Variants in ROBO2 observed in about 807,000 individuals in gnomAD.
The protein encoded by ROBO2 is roundabout homolog 2.
ROBO2 carries 53 observed loss-of-function variants against 160.8 expected under a neutral mutation model. That is an observed-to-expected ratio of 0.33 (90% CI 0.26 to 0.41). ROBO2 has a LOEUF of 0.41. Ranked by LOEUF, ROBO2 falls within the 10% of genes least tolerant of loss-of-function variation. The probability of loss-of-function intolerance (pLI) is 1.00; values close to 1 mark genes in which losing one functional copy is unlikely to be tolerated. For missense variants in ROBO2, 1,577 were observed against 1,722.4 expected (o/e 0.92, Z 1.49); for synonymous variants, 664 against 611.7 (o/e 1.09, Z -1.26).
rs137860321 is a variant in ROBO2 at position 77,303,158 on chromosome 3, G to A, written c.389-174256G>A. 3.0e-3 allele frequency among the ~76,000 whole-genome samples: 464 copies of A among 152,194 alleles called. 2 individuals carry two copies. The highest frequency in any genetic ancestry group is 0.011 in the African/African-American group (448 of 41,496). ...TATTTCTGGGCATGTGGGTATAACC[G>A]CACCTCCATGCCATGTTCTTTCTAT... is the stretch of plus-strand genomic sequence containing the variant. On this transcript the variant is annotated intron_variant, in intron 2 of 25. Transcript: ENST00000461745.
chr3:76,280,103 A>G (rs144726157), intron 2 of ROBO2, among the ~76,000 whole-genome samples: 58 of 152,150 alleles, frequency 3.8e-4, no homozygotes, highest in Non-Finnish European at 7.7e-4. Flanking sequence ...GGTGTACAAT[A>G]GAACATTACA....
exon 11 of ROBO2, chr3:77,563,169 T>A: frequency 1.2e-6 from 2 of 1,613,034 alleles, no homozygotes; most frequent in Non-Finnish European, 1.7e-6. Context: ...CTCTATAGAG[T>A]CTGGAGCAAC....
At chr3:76,449,639 A>G (rs1254714364) in intron 2 of ROBO2, among the ~76,000 whole-genome samples, 2 of 152,156 alleles carry the variant, frequency 1.3e-5, no homozygotes, top group Non-Finnish European at 2.9e-5. Flanking sequence ...ATCAAAAATC[A>G]GTTGTTTGTT....
At chr3:76,856,691 G>C (rs2070124827) in intron 2 of ROBO2, among the ~76,000 whole-genome samples, 1 of 152,112 alleles carries the variant, frequency 6.6e-6, no homozygotes, top group Non-Finnish European at 1.5e-5. Flanking sequence ...CAAGTTCTCA[G>C]GTAATGATGA....
intron 2 of ROBO2, among the ~76,000 whole-genome samples, chr3:77,137,280 G>A (rs1006221378): frequency 2.6e-5 from 4 of 152,150 alleles, no homozygotes; most frequent in Non-Finnish European, 4.4e-5. Flanking sequence ...AGGCTGGCGT[G>A]CAATGGTGTG....
At chr3:76,750,044 C>G (rs923643988) in intron 2 of ROBO2, among the ~76,000 whole-genome samples, 7 of 151,932 alleles carry the variant, frequency 4.6e-5, no homozygotes, top group Admixed American at 4.6e-4. Flanking sequence ...TGCAAAAATC[C>G]GCAATAAAAT....
intron 2 of ROBO2, among the ~76,000 whole-genome samples, chr3:76,348,978 G>T (rs1322716855): frequency 6.6e-6 from 1 of 152,032 alleles, no homozygotes; most frequent in Non-Finnish European, 1.5e-5. Flanking sequence ...ATACCCCAAG[G>T]AATTGATTTT....
intron 2 of ROBO2, among the ~76,000 whole-genome samples, chr3:77,360,165 T>C (rs1252247915): frequency 6.6e-6 from 1 of 152,198 alleles, no homozygotes; most frequent in East Asian, 1.9e-4. Context: ...AGTCACCACA[T>C]GCAGGAAGCA....
At chr3:77,118,549 T>C (rs1215696684) in intron 2 of ROBO2, among the ~76,000 whole-genome samples, 7 of 152,216 alleles carry the variant, frequency 4.6e-5, no homozygotes, top group Admixed American at 3.9e-4. Context: ...TTGGAGATGC[T>C]CCCTACGTGC....
intron 2 of ROBO2, among the ~76,000 whole-genome samples, chr3:76,288,099 A>G (rs887035998): frequency 2.6e-4 from 28 of 106,458 alleles, no homozygotes; most frequent in African/African-American, 1.5e-3. Flanking sequence ...TTGATTTGCT[A>G]ATCAGCCCTT....
At position 76,953,756 on chromosome 3, in the gene ROBO2, G is replaced by A. The variant is rs368162439; in HGVS notation, c.110-144258G>A. On this transcript the variant is annotated intron_variant, in intron 2 of 26. Coordinates refer to the ROBO2 transcript ENST00000487694. Reference sequence around the variant, plus strand: ...AGACAGTCCTTAGAAGCAAGCACGCGCACACACATGCCCTTCTCTCACACT... The same window carrying A: ...AGACAGTCCTTAGAAGCAAGCACGCACACACACATGCCCTTCTCTCACACT... 4.6e-5 allele frequency among the ~76,000 whole-genome samples: 7 copies of A among 152,200 alleles called. No individual in the cohort carries two copies. In the South Asian group the frequency reaches 6.2e-4, roughly 14 times the overall value.
intron 2 of ROBO2, among the ~76,000 whole-genome samples, chr3:75,967,812 G>A (rs1240981038): frequency 6.6e-6 from 1 of 151,108 alleles, no homozygotes; most frequent in African/African-American, 2.4e-5. Flanking sequence ...TTATCAAGTT[G>A]CCCATTTCTA....
At chr3:76,033,146 T>C (rs756499535) in intron 2 of ROBO2, among the ~76,000 whole-genome samples, 2 of 152,160 alleles carry the variant, frequency 1.3e-5, no homozygotes, top group Non-Finnish European at 2.9e-5. Context: ...TTTTTCTTTG[T>C]TTCCTCAGGG....
chr3:76,260,913 A>AT (rs778871694), intron 2 of ROBO2, among the ~76,000 whole-genome samples: 8 of 151,968 alleles, frequency 5.3e-5, no homozygotes, highest in African/African-American at 9.7e-5. Flanking sequence ...CCTGTTTCCA[A>AT]TTTTTTCCCA....
chr3:77,216,562 C>T (rs942043544), intron 2 of ROBO2, among the ~76,000 whole-genome samples: 4 of 152,172 alleles, frequency 2.6e-5, no homozygotes, highest in African/African-American at 9.7e-5. Context: ...AGCTCATGCT[C>T]AGTGCACTGC....
chr3:76,206,836 C>T (rs573742007), intron 2 of ROBO2, among the ~76,000 whole-genome samples: 105 of 152,122 alleles, frequency 6.9e-4, no homozygotes, highest in Non-Finnish European at 1.3e-3. Flanking sequence ...AGCATCTGTA[C>T]CCACAGCTAG....
chr3:77,557,918 T>TG (rs2093180111), intron 8 of ROBO2, 26 bp from the exon 10 acceptor site: 1 of 1,423,444 alleles, frequency 7.0e-7, no homozygotes, highest in Non-Finnish European at 9.4e-7. Flanking sequence ...GATGTTAAAA[T>TG]ACCTGAAAAG....
intron 21 of ROBO2, among the ~76,000 whole-genome samples, chr3:77,616,653 G>C (rs1034367333): frequency 3.9e-5 from 6 of 152,002 alleles, no homozygotes; most frequent in Non-Finnish European, 7.4e-5. Flanking sequence ...TCTTTTCCTT[G>C]TCTGTGTTTA....
At chr3:77,174,470 T>C (rs932024557) in intron 2 of ROBO2, among the ~76,000 whole-genome samples, 1 of 151,734 alleles carries the variant, frequency 6.6e-6, no homozygotes, top group South Asian at 2.1e-4. Context: ...TGCTGTGGGG[T>C]TTTTTAAAAA....
Sources: allele counts gnomAD v4.1 joint callset (sites outside exome capture counted in the v4.1 genomes callset), GRCh38; gene constraint gnomAD v4.1.1; transcripts MANE v1.5; gene names NCBI Gene and HGNC (gene_info 2026-07-23, HGNC 2026-07-21).